Variants in POLR1B observed in about 807,000 individuals in gnomAD.
POLR1B encodes the protein DNA-directed RNA polymerase I subunit RPA2.
A neutral mutation model predicts 105.8 loss-of-function variants in POLR1B; 30 were observed. The ratio of observed to expected loss-of-function variants is 0.28; its 90% CI spans 0.21 to 0.38. POLR1B has a LOEUF of 0.38. Among genes scored for constraint, POLR1B ranks in the 10% least tolerant of loss-of-function variants. The pLI, the probability that POLR1B is intolerant of heterozygous loss-of-function variation, is 1.00. For missense variants in POLR1B, 976 were observed against 1,435.8 expected (o/e 0.68, Z 5.17); for synonymous variants, 485 against 505.1 (o/e 0.96, Z 0.53).
Position 112,577,925 on chromosome 2 carries a change from G to C in POLR1B, c.*2196G>C, listed in dbSNP as rs1191435321. 6.6e-6 allele frequency among the ~76,000 whole-genome samples: 1 copy of C among 151,128 alleles called. No homozygotes were observed. Among genetic ancestry groups the C allele is most frequent in the Non-Finnish European group, 1.5e-5 (1 of 67,928 alleles). On this transcript the variant is annotated 3_prime_UTR_variant, in exon 15 of 15. Coordinates refer to ENST00000263331, the MANE Select transcript of POLR1B (RefSeq NM_019014.6). ...GCTTCAGGAAGCTGGTTGAGAAGAA[G>C]AAGGAAAAAGTCGATTCTACTGACT...
intron 10 of POLR1B, among the ~76,000 whole-genome samples, chr2:112,566,505 T>C (rs1489301808): frequency 6.6e-6 from 1 of 152,220 alleles, no homozygotes; most frequent in Non-Finnish European, 1.5e-5. Flanking sequence ...AGGGAGGGCT[T>C]TCTTTTCTAT....
intron 12 of POLR1B, 28 bp from the exon 13 acceptor site, chr2:112,572,534 A>G (rs185700407): frequency 1.3e-6 from 2 of 1,496,162 alleles, no homozygotes; most frequent in East Asian, 2.4e-5. Flanking sequence ...AGCAGCAGAA[A>G]ATGCTAAGAT....
intron 12 of POLR1B, among the ~76,000 whole-genome samples, chr2:112,570,930 C>T (rs1684557216): frequency 6.6e-6 from 1 of 152,024 alleles, no homozygotes. Flanking sequence ...AGGCATGTGC[C>T]ACCATGCCCA....
At chr2:112,561,343 C>T (rs1023680228) in intron 9 of POLR1B, among the ~76,000 whole-genome samples, 4 of 152,114 alleles carry the variant, frequency 2.6e-5, no homozygotes, top group African/African-American at 7.2e-5. Context: ...GAATCGCTAC[C>T]TAACTTTCGA....
chr2:112,562,650 C>CA (rs1684049473), intron 9 of POLR1B, among the ~76,000 whole-genome samples: 1 of 151,828 alleles, frequency 6.6e-6, no homozygotes, highest in African/African-American at 2.4e-5. Context: ...AAGGTCTTGC[C>CA]TCAGTGTTGC....
intron 1 of POLR1B, chr2:112,542,898 T>G: frequency 3.2e-6 from 2 of 617,774 alleles, no homozygotes; most frequent in Middle Eastern, 4.4e-4. Flanking sequence ...GAAAAGTGAT[T>G]GTGAACCGTA....
At chr2:112,561,762 C>T (rs1684000400) in intron 9 of POLR1B, among the ~76,000 whole-genome samples, 1 of 152,172 alleles carries the variant, frequency 6.6e-6, no homozygotes, top group African/African-American at 2.4e-5. Flanking sequence ...GCACATCACA[C>T]CTTTTTGCAT....
intron 1 of POLR1B, chr2:112,545,762 C>G (rs1488971649): frequency 3.3e-6 from 1 of 304,682 alleles, no homozygotes; most frequent in African/African-American, 2.3e-5. Flanking sequence ...ACGTCAACCT[C>G]TTGAGTAGCT....
chr2:112,560,501 C>T (rs1477606756), intron 9 of POLR1B, among the ~76,000 whole-genome samples: 1 of 152,034 alleles, frequency 6.6e-6, no homozygotes, highest in Non-Finnish European at 1.5e-5. Context: ...GTCTCTGTCT[C>T]TGCTTGGCTT....
In POLR1B at chr2:112,552,537, A is replaced by C; in HGVS notation, c.987-108A>C. 2.5e-6 allele frequency: 3 copies of C among 1,185,810 alleles called. No homozygotes were observed. In the East Asian group the frequency reaches 7.9e-5, roughly 31 times the overall value. The allele number at this position is 1,185,810 out of a possible 1,614,324, so 73.5% of individuals were successfully genotyped here. A position where few individuals can be genotyped will look rare whatever the true frequency, so the allele number is the denominator to read the frequency against. On this transcript the variant is annotated intron_variant, in intron 6 of 14. Transcript: ENST00000263331. ...GCTCAAAAACTGAATGCTTAATTTTATTTAATTAAAGTTAAGTAAGCATGA... is the reference window on the plus strand; with the variant it reads ...GCTCAAAAACTGAATGCTTAATTTTCTTTAATTAAAGTTAAGTAAGCATGA...
intron 9 of POLR1B, among the ~76,000 whole-genome samples, chr2:112,562,914 C>T (rs1390643583): frequency 2.7e-5 from 4 of 150,864 alleles, no homozygotes; most frequent in Non-Finnish European, 4.4e-5. Flanking sequence ...TTTTTAGTAG[C>T]GACGGGGTTT....
At chr2:112,556,922 A>G (rs1016883862) in intron 7 of POLR1B, among the ~76,000 whole-genome samples, 1 of 152,230 alleles carries the variant, frequency 6.6e-6, no homozygotes, top group Non-Finnish European at 1.5e-5. Flanking sequence ...TAACACATTC[A>G]TCACCTCAAA....
At chr2:112,546,517 G>C (rs1402059196) in intron 1 of POLR1B, among the ~76,000 whole-genome samples, 1 of 127,124 alleles carries the variant, frequency 7.9e-6, no homozygotes, top group Non-Finnish European at 1.6e-5. Flanking sequence ...TAAGTATTTA[G>C]TGAAGTTATG....
chr2:112,546,584 C>T (rs866858984), intron 1 of POLR1B, among the ~76,000 whole-genome samples: 5 of 92,714 alleles, frequency 5.4e-5, no homozygotes, highest in Admixed American at 3.7e-4. Flanking sequence ...TTTTTTGAGA[C>T]GGAGTCTCGC....
intron 8 of POLR1B, 106 bp from the exon 9 acceptor site, chr2:112,559,187 A>T: frequency 7.8e-7 from 1 of 1,278,552 alleles, no homozygotes; most frequent in Non-Finnish European, 1.1e-6. Flanking sequence ...GTAATAATTC[A>T]TTCTATGATC....
At chr2:112,554,865 G>C (rs1482571993) in intron 7 of POLR1B, among the ~76,000 whole-genome samples, 1 of 151,974 alleles carries the variant, frequency 6.6e-6, no homozygotes, top group East Asian at 1.9e-4. Context: ...AGCACAGAGA[G>C]ATCGCTACAG....
At chr2:112,542,173 T>G, upstream of POLR1B, 1 of 1,535,718 alleles carries the variant, frequency 6.5e-7, no homozygotes, top group Non-Finnish European at 8.7e-7. Context: ...AGAGGTCACA[T>G]GCTCAACTGG....
chr2:112,557,601 G>A (rs1195213829), intron 7 of POLR1B, among the ~76,000 whole-genome samples: 1 of 152,140 alleles, frequency 6.6e-6, no homozygotes, highest in Non-Finnish European at 1.5e-5. Context: ...ATTGAGAATA[G>A]GGTCTTGCCC....
At chr2:112,554,985 A>C (rs1214796559) in intron 7 of POLR1B, among the ~76,000 whole-genome samples, 1 of 152,240 alleles carries the variant, frequency 6.6e-6, no homozygotes, top group African/African-American at 2.4e-5. Context: ...GTTCAAGACT[A>C]GCCTGGGCAA....
Sources: gnomAD v4.1 joint callset for allele counts (sites outside exome capture counted in the v4.1 genomes callset) on GRCh38, gnomAD v4.1.1 for gene constraint, MANE v1.5 for transcripts, NCBI Gene and HGNC (gene_info 2026-07-23, HGNC 2026-07-21) for gene names.